Variants in ATXN7 observed in about 807,000 individuals in gnomAD.
The protein encoded by ATXN7 is ataxin 7.
ATXN7 carries 12 observed loss-of-function variants against 70.5 expected under a neutral mutation model. That is an observed-to-expected ratio of 0.17 (90% CI 0.11 to 0.28). The LOEUF is 0.28. ATXN7 is among the 10% of genes least tolerant of loss of function. ATXN7 has a pLI of 1.00. For missense variants in ATXN7, 1,256 were observed against 1,131.7 expected (o/e 1.11, Z -1.58); for synonymous variants, 498 against 448.7 (o/e 1.11, Z -1.39).
intron 4 of ATXN7, among the ~76,000 whole-genome samples, chr3:63,935,476 G>A (rs1006802364): frequency 2.0e-5 from 3 of 152,002 alleles, no homozygotes; most frequent in Middle Eastern, 3.2e-3. Context: ...ACACACACTC[G>A]ATGGCAGCTT....
intron 1 of ATXN7, among the ~76,000 whole-genome samples, 153 bp downstream of exon 1, chr3:63,864,311 G>C (rs1392471463): frequency 6.6e-6 from 1 of 151,892 alleles, no homozygotes; most frequent in East Asian, 2.0e-4. Flanking sequence ...CGTTTCCCTG[G>C]GGGGTGGGGA....
chr3:63,879,536 A>G (rs1028119151), intron 1 of ATXN7, among the ~76,000 whole-genome samples: 7 of 150,308 alleles, frequency 4.7e-5, no homozygotes, highest in Non-Finnish European at 1.0e-4. Flanking sequence ...CACCCAGGCT[A>G]AATGAAGTAC....
chr3:63,927,461 A>G (rs1214636652), intron 4 of ATXN7, among the ~76,000 whole-genome samples: 1 of 152,198 alleles, frequency 6.6e-6, no homozygotes, highest in Non-Finnish European at 1.5e-5. Flanking sequence ...ACCCACTAAT[A>G]ATAATTCTTG....
chr3:63,912,694 G>GCAGCCC lies in ATXN7; in HGVS notation c.100_101insCCCAGC (p.Gln33_Gln34insProGln), dbSNP rs1704085201. 2.6e-6 allele frequency: 3 copies of GCAGCCC among 1,148,038 alleles called. No homozygotes were observed. In the African/African-American group the frequency reaches 5.2e-5, roughly 20 times the overall value. The allele number at this position is 1,148,038 out of a possible 1,614,324, so 71.1% of individuals were successfully genotyped here. On this transcript the variant is annotated inframe_insertion, in exon 3 of 13. Transcript: ENST00000674280. ...CGGCCGCGGCCGCCCGGCAGCAGCA[G>GCAGCCC]CAGCAGCAGCAGCAGCAGCAGCCGC... is the stretch of plus-strand genomic sequence containing the variant.
chr3:63,896,148 AG>A (rs1030471589), intron 1 of ATXN7, among the ~76,000 whole-genome samples: 1 of 152,076 alleles, frequency 6.6e-6, no homozygotes, highest in African/African-American at 2.4e-5. Context: ...GGGTCAACAT[AG>A]GCTAGGGAGC....
chr3:63,870,020 T>C (rs1211242055), intron 1 of ATXN7, among the ~76,000 whole-genome samples: 2 of 152,202 alleles, frequency 1.3e-5, no homozygotes, highest in East Asian at 3.9e-4. Flanking sequence ...TGTGATTTTA[T>C]AGCCTGGAAC....
chr3:63,899,634 G>C lies in ATXN7; in HGVS notation c.-12+1137G>C, dbSNP rs191824662. Among the ~76,000 whole-genome samples the C allele has an allele frequency of 8.5e-3, 1,283 of 151,492 alleles. 9 individuals carry two copies. The highest frequency in any genetic ancestry group is 0.034 in the Middle Eastern group (10 of 292). On this transcript the variant is annotated intron_variant, in intron 2 of 12. Transcript: ENST00000674280. Reference sequence around the variant, plus strand: ...GAAATTTTTTTTTTCTTTTTTTTGAGACCTTTTCTTGCTCTGTCGCCCAGG... The same window carrying C: ...GAAATTTTTTTTTTCTTTTTTTTGACACCTTTTCTTGCTCTGTCGCCCAGG...
chr3:63,929,911 G>A lies in ATXN7; in HGVS notation c.394+16686G>A, dbSNP rs192099463. 2.8e-3 allele frequency among the ~76,000 whole-genome samples: 419 copies of A among 152,216 alleles called. 3 individuals carry two copies. The highest frequency in any genetic ancestry group is 5.3e-3 in the Non-Finnish European group (359 of 68,002). On this transcript the variant is annotated intron_variant, in intron 4 of 12. Coordinates refer to ENST00000674280, the MANE Select transcript of ATXN7 (RefSeq NM_001377405.1). ...AGCCTGTCCCAGAACCCTGTCCTTGGCTCATCACACAGTGGTTCACACTGT... is the reference window on the plus strand; with the variant it reads ...AGCCTGTCCCAGAACCCTGTCCTTGACTCATCACACAGTGGTTCACACTGT...
intron 5 of ATXN7, among the ~76,000 whole-genome samples, chr3:63,973,695 A>G (rs1272730755): frequency 2.6e-5 from 4 of 151,946 alleles, no homozygotes; most frequent in African/African-American, 9.7e-5. Context: ...GGATACGTGG[A>G]ACATTGGAGG....
rs1054556970 is a variant in ATXN7, at chr3:63,995,551, A to T, written c.1729A>T (p.Ile577Phe). Residue 577 changes from isoleucine to phenylalanine, a missense_variant, in exon 12 of 13, where the codon ATT (isoleucine) becomes TTT (phenylalanine). Coordinates refer to ENST00000674280, the MANE Select transcript of ATXN7 (RefSeq NM_001377405.1). ...PSTTSPISTR[I>F]PHRTNSVPTS... The stretch of plus-strand genomic sequence containing the variant: ...TACCACCTCACCCATCTCCACACGT[A>T]TTCCTCACCGGACAAACTCTGTGCC... The T allele has an allele frequency of 1.2e-6, 2 of 1,614,122 alleles. No homozygotes were observed. Among genetic ancestry groups the T allele is most frequent in the African/African-American group, 2.7e-5 (2 of 75,018 alleles).
intron 5 of ATXN7, among the ~76,000 whole-genome samples, chr3:63,956,490 A>G (rs1226051619): frequency 6.6e-6 from 1 of 151,564 alleles, no homozygotes. Context: ...TAAAAATATA[A>G]TTCGAATCAG....
chr3:63,884,912 G>T (rs1052929615), intron 1 of ATXN7, among the ~76,000 whole-genome samples: 2 of 151,654 alleles, frequency 1.3e-5, no homozygotes, highest in Admixed American at 6.6e-5. Flanking sequence ...ACCTGCCTCA[G>T]CCTCCCAAAA....
chr3:63,951,612 T>C (rs1254186507), intron 4 of ATXN7, among the ~76,000 whole-genome samples: 1 of 152,252 alleles, frequency 6.6e-6, no homozygotes, highest in African/African-American at 2.4e-5. Context: ...TTGTTGTTCA[T>C]AATTAATTGA....
At chr3:63,949,177 G>T (rs867777418) in intron 4 of ATXN7, among the ~76,000 whole-genome samples, 2 of 150,944 alleles carry the variant, frequency 1.3e-5, no homozygotes, top group Middle Eastern at 3.2e-3. Flanking sequence ...ATTTCTTTCT[G>T]TTGCCACAAC....
At position 63,984,080 on chromosome 3, in the gene ATXN7, GA is replaced by G. The variant is rs535123853; in HGVS notation, c.1095+1062del. ...GGCATGTTACAGTCTTCTGGAGTGG[GA>G]AATTTTTAAGTGGTTCTTACTTTAA... On this transcript the variant is annotated intron_variant, in intron 8 of 12. Transcript: ENST00000674280. Among the ~76,000 whole-genome samples, 349 of 152,172 alleles carry G rather than the reference GA, an allele frequency of 2.3e-3. 1 individual carries two copies. Among genetic ancestry groups the G allele is most frequent in the South Asian group, 0.012 (56 of 4,816 alleles).
chr3:63,948,083 C>T (rs935607531), intron 4 of ATXN7, among the ~76,000 whole-genome samples: 13 of 152,042 alleles, frequency 8.6e-5, no homozygotes, highest in African/African-American at 2.9e-4. Context: ...ACTCTGGCAG[C>T]CTTGTGGAAA....
intron 1 of ATXN7, among the ~76,000 whole-genome samples, chr3:63,880,822 G>A (rs1444992349): frequency 6.6e-6 from 1 of 152,180 alleles, no homozygotes; most frequent in East Asian, 1.9e-4. Flanking sequence ...ATTTATTTGT[G>A]TAAAGGTTTT....
intron 12 of ATXN7, chr3:63,997,662 A>G (rs1474660321): frequency 1.3e-6 from 2 of 1,552,254 alleles, no homozygotes; most frequent in African/African-American, 1.4e-5. Flanking sequence ...TTTCAGCAAC[A>G]TCACCCCAGA....
intron 12 of ATXN7, among the ~76,000 whole-genome samples, chr3:63,997,037 A>T (rs2075771792): frequency 6.6e-6 from 1 of 152,204 alleles, no homozygotes; most frequent in Non-Finnish European, 1.5e-5. Flanking sequence ...CAGGTAGATC[A>T]CTTGAGGTCA....
Sources: gnomAD v4.1 joint callset for allele counts (sites outside exome capture counted in the v4.1 genomes callset) on GRCh38, gnomAD v4.1.1 for gene constraint, MANE v1.5 for transcripts, NCBI Gene and HGNC (gene_info 2026-07-23, HGNC 2026-07-21) for gene names.